ACBD6: variants seen among roughly 807,000 people sequenced by gnomAD.
ACBD6 encodes acyl-CoA binding domain containing 6.
ACBD6 carries 28 observed loss-of-function variants against 37.2 expected under a neutral mutation model. That is an observed-to-expected ratio of 0.75 (90% CI 0.56 to 1.03). The LOEUF is 1.03. Ranked by LOEUF, ACBD6 falls within the 50% of genes least tolerant of loss-of-function variation. The pLI is 0.00. For synonymous variants in ACBD6, 113 were observed against 126.8 expected, an observed-to-expected ratio of 0.89 and a Z score of 0.73; for missense variants, 340 against 337.4, an observed-to-expected ratio of 1.01 and a Z score of -0.06.
intron 5 of ACBD6, among the ~76,000 whole-genome samples, chr1:180,402,245 C>T (rs1317747686): frequency 6.6e-6 from 1 of 152,120 alleles, no homozygotes; most frequent in Non-Finnish European, 1.5e-5. Context: ...CTTTCACTTC[C>T]CTGTCCATAG....
chr1:180,338,733 G>A (rs1348051232), intron 6 of ACBD6, among the ~76,000 whole-genome samples: 2 of 152,168 alleles, frequency 1.3e-5, no homozygotes, highest in Admixed American at 1.3e-4. Context: ...TACCACCAGA[G>A]TGAATAGGCA....
At chr1:180,484,931 G>A (rs1651201435) in intron 3 of ACBD6, among the ~76,000 whole-genome samples, 1 of 152,016 alleles carries the variant, frequency 6.6e-6, no homozygotes, top group African/African-American at 2.4e-5. Flanking sequence ...GGGCGTGGTG[G>A]TGGGCGCCTG....
intron 6 of ACBD6, chr1:180,326,451 C>G (rs1228613688): frequency 6.6e-6 from 1 of 152,126 alleles, no homozygotes; most frequent in Non-Finnish European, 1.5e-5. Flanking sequence ...ACGACAAGTC[C>G]AGAAGGCTAT....
At chr1:180,367,855 C>T (rs912393097) in intron 6 of ACBD6, among the ~76,000 whole-genome samples, 8 of 152,108 alleles carry the variant, frequency 5.3e-5, no homozygotes, top group East Asian at 1.9e-4. Flanking sequence ...TGAACATTCA[C>T]GTGCATGTGT....
chr1:180,472,037 C>T (rs1479824916), intron 3 of ACBD6, among the ~76,000 whole-genome samples: 1 of 152,154 alleles, frequency 6.6e-6, no homozygotes, highest in Non-Finnish European at 1.5e-5. Context: ...TCTCTAATGA[C>T]TAAAGTTATT....
chr1:180,287,254 A>G (rs1649533028), downstream of ACBD6: 2 of 151,998 alleles, frequency 1.3e-5, no homozygotes, highest in African/African-American at 4.8e-5. Flanking sequence ...TACAAAAATT[A>G]GTGGGGTGTG....
At chr1:180,460,261 G>GT (rs1261757698) in intron 3 of ACBD6, among the ~76,000 whole-genome samples, 1 of 151,962 alleles carries the variant, frequency 6.6e-6, no homozygotes, top group Non-Finnish European at 1.5e-5. Flanking sequence ...CTGCCTGACA[G>GT]AAGTTTGAAA....
Position 180,483,227 on chromosome 1 carries a change from CT to C in ACBD6, c.384+9041del, listed in dbSNP as rs1376768635. Among the ~76,000 whole-genome samples, 8 of 152,220 alleles carry C rather than the reference CT, an allele frequency of 5.3e-5. No individual in the cohort carries two copies. In the South Asian group the frequency reaches 8.3e-4, roughly 16 times the overall value. On this transcript the variant is annotated intron_variant, in intron 3 of 7. Transcript: ENST00000367595. Reference sequence around the variant, plus strand: ...TCCTCTATACAGAATGTTCTTCCCCCTGTATGGCTCATTCTTTCACTTAATT... The same window carrying C: ...TCCTCTATACAGAATGTTCTTCCCCCGTATGGCTCATTCTTTCACTTAATT...
chr1:180,467,468 A>G (rs1273574152), intron 3 of ACBD6, among the ~76,000 whole-genome samples: 5 of 149,410 alleles, frequency 3.3e-5, no homozygotes, highest in African/African-American at 4.9e-5. Flanking sequence ...AAAAAAAAAA[A>G]AAAACAAAAA....
At chr1:180,396,722 A>G (rs1328759141) in intron 6 of ACBD6, among the ~76,000 whole-genome samples, 1 of 151,506 alleles carries the variant, frequency 6.6e-6, no homozygotes, top group South Asian at 2.1e-4. Context: ...GGGAAATGTA[A>G]ATCAAAATTA....
At chr1:180,477,616 A>C (rs71630265) in intron 3 of ACBD6, among the ~76,000 whole-genome samples, 3,177 of 152,298 alleles carry the variant, frequency 0.021, 43 homozygotes, top group Middle Eastern at 0.041. Flanking sequence ...TATAATTTAA[A>C]AAACAGATAA....
At chr1:180,346,232 T>C (rs922232229) in intron 6 of ACBD6, among the ~76,000 whole-genome samples, 3 of 152,262 alleles carry the variant, frequency 2.0e-5, no homozygotes, top group African/African-American at 7.2e-5. Flanking sequence ...GAAACATAAA[T>C]AGAAGATTTA....
At chr1:180,305,137 A>G (rs1650298535) in intron 7 of ACBD6, among the ~76,000 whole-genome samples, 1 of 152,232 alleles carries the variant, frequency 6.6e-6, no homozygotes, top group African/African-American at 2.4e-5. Context: ...ACCTAAAACC[A>G]TAAAAACCCT....
chr1:180,307,214 T>C (rs574896363), intron 7 of ACBD6, among the ~76,000 whole-genome samples: 28 of 152,306 alleles, frequency 1.8e-4, no homozygotes, highest in African/African-American at 6.0e-4. Flanking sequence ...ACAACATAGA[T>C]GGACTGGAGG....
intron 6 of ACBD6, among the ~76,000 whole-genome samples, chr1:180,315,072 T>TA (rs1263892311): frequency 7.3e-6 from 1 of 137,702 alleles, no homozygotes; most frequent in Non-Finnish European, 1.5e-5. Flanking sequence ...TCTTGGCCAG[T>TA]ATTAGGATTT....
intron 6 of ACBD6, among the ~76,000 whole-genome samples, chr1:180,387,227 C>T (rs1365236244): frequency 6.6e-6 from 1 of 152,166 alleles, no homozygotes; most frequent in East Asian, 1.9e-4. Flanking sequence ...TAATTTTGGT[C>T]AGTATAATGT....
intron 6 of ACBD6, among the ~76,000 whole-genome samples, chr1:180,321,693 T>A (rs1961741): frequency 5.3e-5 from 8 of 152,148 alleles, no homozygotes; most frequent in East Asian, 3.9e-4. Context: ...GAAATGCTAC[T>A]GATTTTTGTA....
intron 3 of ACBD6, among the ~76,000 whole-genome samples, chr1:180,490,546 C>A (rs933300376): frequency 6.6e-6 from 1 of 151,274 alleles, no homozygotes; most frequent in Non-Finnish European, 1.5e-5. Flanking sequence ...GAGGCCGAGG[C>A]GGGCAGATCA....
At chr1:180,440,761 A>T (rs34623864) in intron 3 of ACBD6, among the ~76,000 whole-genome samples, 1,905 of 152,228 alleles carry the variant, frequency 0.013, 20 homozygotes, top group Non-Finnish European at 0.016. Flanking sequence ...GTCTCTATGG[A>T]TTTAACCATT....
Sources: allele counts gnomAD v4.1 joint callset (sites outside exome capture counted in the v4.1 genomes callset), GRCh38; gene constraint gnomAD v4.1.1; transcripts MANE v1.5; gene names NCBI Gene and HGNC (gene_info 2026-07-23, HGNC 2026-07-21).